MLLT10: variants seen among roughly 807,000 people sequenced by gnomAD.
MLLT10 encodes protein AF-10.
MLLT10 carries 30 observed loss-of-function variants against 129.1 expected under a neutral mutation model. The ratio of observed to expected loss-of-function variants is 0.23; its 90% CI spans 0.17 to 0.32. MLLT10 has a LOEUF of 0.32. Ranked by LOEUF, MLLT10 falls within the 10% of genes least tolerant of loss-of-function variation. MLLT10 has a pLI of 1.00. For synonymous variants in MLLT10, 490 were observed against 446.4 expected (o/e 1.10, Z -1.23); for missense variants, 1,119 against 1,268.3 (o/e 0.88, Z 1.79).
intron 10 of MLLT10, among the ~76,000 whole-genome samples, chr10:21,672,758 C>G (rs11812556): frequency 6.6e-6 from 1 of 152,074 alleles, no homozygotes; most frequent in Non-Finnish European, 1.5e-5. Context: ...ATTATTTTGT[C>G]AAATCCATTT....
intron 3 of MLLT10, among the ~76,000 whole-genome samples, chr10:21,575,154 A>G (rs1170522655): frequency 3.3e-5 from 5 of 151,824 alleles, no homozygotes; most frequent in East Asian, 1.9e-4. Context: ...TCTTTTATAT[A>G]TAGGTTCTTT....
intron 8 of MLLT10, among the ~76,000 whole-genome samples, chr10:21,647,672 T>C (rs2048624030): frequency 6.7e-6 from 1 of 149,096 alleles, no homozygotes; most frequent in Admixed American, 6.7e-5. Context: ...CATGTTTCTG[T>C]TGCTGTTTAC....
At chr10:21,594,877 T>G (rs1415069243) in intron 4 of MLLT10, among the ~76,000 whole-genome samples, 1 of 151,962 alleles carries the variant, frequency 6.6e-6, no homozygotes, top group African/African-American at 2.4e-5. Context: ...ACATTTCAAA[T>G]TAAAATAGTG....
Position 21,734,052 on chromosome 10 carries a change from C to G in MLLT10, c.2781C>G (p.Ser927=), listed in dbSNP as rs759834789. 1 of 1,614,112 alleles carries G rather than the reference C, an allele frequency of 6.2e-7. No homozygotes were observed. The highest frequency in any genetic ancestry group is 1.7e-5 in the Admixed American group (1 of 60,022). The change falls in exon 20 of 23, where the codon TCC becomes TCG. Residue 927 remains serine (S), a synonymous_variant. Transcript: ENST00000307729. The part of the protein sequence containing the change: ...NGVMQTPVTM[S]QNPTPLTHTT... Reference sequence around the variant, plus strand: ...TTATGCAGACTCCTGTCACAATGTCCCAGAACCCTACCCCTCTCACCCACA... The same window carrying G: ...TTATGCAGACTCCTGTCACAATGTCGCAGAACCCTACCCCTCTCACCCACA...
intron 8 of MLLT10, among the ~76,000 whole-genome samples, chr10:21,635,281 C>T (rs775250012): frequency 2.6e-5 from 4 of 152,156 alleles, no homozygotes; most frequent in Non-Finnish European, 5.9e-5. Flanking sequence ...CTTTTCCTTA[C>T]CTCCTTGTAT....
chr10:21,710,966 C>T (rs1383225252), intron 13 of MLLT10, among the ~76,000 whole-genome samples: 2 of 152,162 alleles, frequency 1.3e-5, no homozygotes, highest in African/African-American at 4.8e-5. Context: ...ATTGGTGACT[C>T]TACCCTTGTT....
intron 14 of MLLT10, among the ~76,000 whole-genome samples, chr10:21,714,588 A>G (rs1325814080): frequency 6.6e-6 from 1 of 152,186 alleles, no homozygotes; most frequent in Non-Finnish European, 1.5e-5. Context: ...GCTGGAGTGC[A>G]GTGGTGTGAT....
intron 3 of MLLT10, among the ~76,000 whole-genome samples, chr10:21,581,791 A>C (rs1224912666): frequency 6.6e-6 from 1 of 152,202 alleles, no homozygotes; most frequent in Admixed American, 6.5e-5. Context: ...CTCCTCAGCC[A>C]TGTGGAACTG....
intron 13 of MLLT10, among the ~76,000 whole-genome samples, chr10:21,700,183 A>G (rs1313820612): frequency 6.7e-6 from 1 of 149,088 alleles, no homozygotes; most frequent in Non-Finnish European, 1.5e-5. Flanking sequence ...TTCATTATTG[A>G]TATATAGAAA....
intron 5 of MLLT10, among the ~76,000 whole-genome samples, chr10:21,605,391 C>T (rs953060469): frequency 5.3e-5 from 8 of 152,120 alleles, no homozygotes; most frequent in Non-Finnish European, 1.0e-4. Context: ...TGGATACCAT[C>T]TATAGATACT....
chr10:21,693,685 TA>T lies in MLLT10; in HGVS notation c.1699+11429del, dbSNP rs141310516. On this transcript the variant is annotated intron_variant, in intron 13 of 22. Coordinates refer to ENST00000307729, the MANE Select transcript of MLLT10 (RefSeq NM_001195626.3). Reference sequence around the variant, plus strand: ...CGATTCCCTACACAGTCTTAGCCATTATATTTCAAAATACAGCATCTTACCA... The same window carrying T: ...CGATTCCCTACACAGTCTTAGCCATTTATTTCAAAATACAGCATCTTACCA... Among the ~76,000 whole-genome samples the T allele has an allele frequency of 4.7e-3, 711 of 152,364 alleles. 3 individuals are homozygous for T. Among genetic ancestry groups the T allele is most frequent in the Non-Finnish European group, 7.5e-3 (510 of 68,022 alleles).
chr10:21,535,304 G>A (rs1215476777), intron 2 of MLLT10, among the ~76,000 whole-genome samples: 1 of 152,144 alleles, frequency 6.6e-6, no homozygotes, highest in Non-Finnish European at 1.5e-5. Context: ...AGTGTGGGGA[G>A]GCTGGGGGTC....
intron 8 of MLLT10, among the ~76,000 whole-genome samples, chr10:21,640,360 ATG>A (rs980425218): frequency 5.4e-5 from 8 of 147,534 alleles, no homozygotes; most frequent in East Asian, 2.0e-4. Context: ...ACACACATAT[ATG>A]TGTGTGTGTA....
In MLLT10 at chr10:21,601,872, T is replaced by C. The variant is rs182054738; in HGVS notation, c.405+6432T>C. On this transcript the variant is annotated intron_variant, in intron 5 of 22. Transcript: ENST00000307729. ...TTTTTGTTTTTGTTTTTGTTTTTAA[T>C]ATTTATTTGGCTTCTGGAGTACTCT... 3.3e-4 allele frequency among the ~76,000 whole-genome samples: 50 copies of C among 152,286 alleles called. 1 individual carries two copies. In the East Asian group the frequency reaches 6.6e-3, roughly 20 times the overall value.
intron 7 of MLLT10, among the ~76,000 whole-genome samples, chr10:21,615,793 TCA>T (rs1203682377): frequency 6.6e-6 from 1 of 152,218 alleles, no homozygotes; most frequent in Non-Finnish European, 1.5e-5. Flanking sequence ...CTATTTGCTG[TCA>T]CACAGGATCA....
At chr10:21,597,950 G>T (rs1181408928) in intron 5 of MLLT10, among the ~76,000 whole-genome samples, 2 of 152,138 alleles carry the variant, frequency 1.3e-5, no homozygotes, top group East Asian at 3.8e-4. Context: ...CCACAGTGAG[G>T]TTAATCTTTT....
chr10:21,706,363 T>G (rs1306430013), intron 13 of MLLT10, among the ~76,000 whole-genome samples: 1 of 152,240 alleles, frequency 6.6e-6, no homozygotes, highest in Non-Finnish European at 1.5e-5. Flanking sequence ...CATATGTAAG[T>G]TAATCCTTGC....
At chr10:21,668,912 AC>A in intron 9 of MLLT10, 4 of 1,226,928 alleles carry the variant, frequency 3.3e-6, no homozygotes, top group Non-Finnish European at 4.1e-6. Context: ...TTTAAACTTC[AC>A]TAGGTCATGC....
Position 21,551,477 on chromosome 10 carries a change from A to AT in MLLT10, c.240+12566dup, listed in dbSNP as rs546377028. Among the ~76,000 whole-genome samples, 370 of 151,724 alleles carry AT rather than the reference A, an allele frequency of 2.4e-3. 2 individuals are homozygous for AT. Among genetic ancestry groups the AT allele is most frequent in the Non-Finnish European group, 4.1e-3 (276 of 67,946 alleles). ...ATTCAGCATAATATCGTAAGTTCCTATAGCTTTCAAAGAGGTGGTTTTCAA... is the reference window on the plus strand; with the variant it reads ...ATTCAGCATAATATCGTAAGTTCCTATTAGCTTTCAAAGAGGTGGTTTTCAA... On this transcript the variant is annotated intron_variant, in intron 3 of 22. Transcript: ENST00000307729.
Sources: gnomAD v4.1 joint callset for allele counts (sites outside exome capture counted in the v4.1 genomes callset) on GRCh38, gnomAD v4.1.1 for gene constraint, MANE v1.5 for transcripts, NCBI Gene and HGNC (gene_info 2026-07-23, HGNC 2026-07-21) for gene names.